The following KCNQ5 variants were observed in gnomAD, a reference collection of about 807,000 sequenced individuals.
The protein encoded by KCNQ5 is potassium voltage-gated channel subfamily KQT member 5.
Under a neutral mutation model 98.2 loss-of-function variants are expected in KCNQ5, and 30 were observed. The ratio of observed to expected loss-of-function variants is 0.31; its 90% CI spans 0.23 to 0.41. The LOEUF is 0.41. Ranked by LOEUF, KCNQ5 falls within the 10% of genes least tolerant of loss-of-function variation. The pLI, the probability that KCNQ5 is intolerant of heterozygous loss-of-function variation, is 1.00. For synonymous variants in KCNQ5, 458 were observed against 449.4 expected (o/e 1.02, Z -0.24); for missense variants, 835 against 1,182.5 (o/e 0.71, Z 4.31).
At chr6:73,009,662 G>A (rs1769976363) in intron 2 of KCNQ5, among the ~76,000 whole-genome samples, 1 of 152,002 alleles carries the variant, frequency 6.6e-6, no homozygotes. Flanking sequence ...AAGAATACTC[G>A]AATTAATAGA....
intron 1 of KCNQ5, among the ~76,000 whole-genome samples, chr6:72,779,406 G>A (rs1460593766): frequency 2.0e-5 from 3 of 152,184 alleles, no homozygotes; most frequent in Non-Finnish European, 2.9e-5. Flanking sequence ...GAGAATGTGT[G>A]TATGTCTCTC....
At chr6:73,113,112 C>T (rs1315746107) in intron 7 of KCNQ5, among the ~76,000 whole-genome samples, 4 of 152,152 alleles carry the variant, frequency 2.6e-5, no homozygotes, top group African/African-American at 7.2e-5. Flanking sequence ...TTAGGACACA[C>T]GCAAAATACC....
chr6:72,796,949 A>G (rs904813625), intron 1 of KCNQ5, among the ~76,000 whole-genome samples: 1 of 152,198 alleles, frequency 6.6e-6, no homozygotes, highest in African/African-American at 2.4e-5. Context: ...CCCTAGCTTA[A>G]ACAAGAAAAT....
chr6:72,767,150 G>A (rs749478594), intron 1 of KCNQ5, among the ~76,000 whole-genome samples: 59 of 152,098 alleles, frequency 3.9e-4, no homozygotes, highest in Non-Finnish European at 5.2e-4. Context: ...TTGTAGGAAA[G>A]GAATGAAGAG....
chr6:72,654,990 C>A (rs1210174934), intron 1 of KCNQ5, among the ~76,000 whole-genome samples: 1 of 151,952 alleles, frequency 6.6e-6, no homozygotes, highest in African/African-American at 2.4e-5. Context: ...TGCTTACCTT[C>A]TTTTTGTTTC....
chr6:72,853,110 T>G (rs1777353099), intron 1 of KCNQ5, among the ~76,000 whole-genome samples: 1 of 152,218 alleles, frequency 6.6e-6, no homozygotes, highest in African/African-American at 2.4e-5. Flanking sequence ...TAAATAATTA[T>G]GTTGATCCTT....
At chr6:73,024,912 C>T (rs980430237) in intron 2 of KCNQ5, among the ~76,000 whole-genome samples, 25 of 152,228 alleles carry the variant, frequency 1.6e-4, no homozygotes, top group African/African-American at 5.5e-4. Flanking sequence ...CTCCTCAATA[C>T]TCAAAGATTT....
intron 3 of KCNQ5, among the ~76,000 whole-genome samples, chr6:73,058,135 G>A (rs1029154052): frequency 1.4e-4 from 21 of 152,236 alleles, no homozygotes; most frequent in African/African-American, 4.3e-4. Context: ...AAAACTGGCC[G>A]GGCACGGTGG....
chr6:72,854,662 GA>G (rs969355802), intron 1 of KCNQ5, among the ~76,000 whole-genome samples: 1 of 149,276 alleles, frequency 6.7e-6, no homozygotes, highest in East Asian at 2.0e-4. Context: ...GTCAAAACAT[GA>G]AAAAATCATA....
chr6:73,052,579 T>C (rs1177025038), intron 3 of KCNQ5, among the ~76,000 whole-genome samples: 2 of 152,204 alleles, frequency 1.3e-5, no homozygotes, highest in Non-Finnish European at 2.9e-5. Context: ...ATTGAGGACC[T>C]ATATTCAGCA....
intron 1 of KCNQ5, among the ~76,000 whole-genome samples, chr6:72,970,262 A>T (rs1213105558): frequency 6.6e-6 from 1 of 152,122 alleles, no homozygotes; most frequent in East Asian, 1.9e-4. Context: ...CCATCTCTAA[A>T]AATATAATAA....
chr6:73,165,631 A>G (rs1173033229), intron 10 of KCNQ5, among the ~76,000 whole-genome samples: 2 of 152,128 alleles, frequency 1.3e-5, no homozygotes, highest in African/African-American at 2.4e-5. Context: ...GGAGATGGGA[A>G]CCCAGATACC....
In KCNQ5 at chr6:73,187,495, T is replaced by C. The variant is rs118096221; in HGVS notation, c.1578-3078T>C. On this transcript the variant is annotated intron_variant, in intron 11 of 13. Transcript: ENST00000370398. ...TAATCCAATTTTCACTATTTAATTC[T>C]CATACATAAAGTAGGAAAATCTGTA... Among the ~76,000 whole-genome samples the C allele has an allele frequency of 7.6e-3, 1,153 of 152,340 alleles. 6 individuals carry two copies. Among genetic ancestry groups the C allele is most frequent in the Middle Eastern group, 0.065 (19 of 294 alleles).
intron 9 of KCNQ5, among the ~76,000 whole-genome samples, chr6:73,126,614 A>G (rs938367155): frequency 1.3e-5 from 2 of 152,110 alleles, no homozygotes; most frequent in South Asian, 2.1e-4. Flanking sequence ...TAACTCACCC[A>G]TAGGTTTAAA....
At chr6:72,624,610 A>G (rs765668857) in intron 1 of KCNQ5, among the ~76,000 whole-genome samples, 2 of 152,234 alleles carry the variant, frequency 1.3e-5, no homozygotes, top group Non-Finnish European at 2.9e-5. Context: ...AAGGTTGGAT[A>G]CTTCTCTGTC....
chr6:72,994,261 C>T (rs1362075289), intron 1 of KCNQ5, among the ~76,000 whole-genome samples: 1 of 61,972 alleles, frequency 1.6e-5, no homozygotes, highest in Non-Finnish European at 2.9e-5. Context: ...CCCCCAGCCT[C>T]GTTGCCGCCT....
At chr6:73,048,325 G>C (rs573039534) in intron 3 of KCNQ5, among the ~76,000 whole-genome samples, 1 of 152,312 alleles carries the variant, frequency 6.6e-6, no homozygotes, top group East Asian at 1.9e-4. Flanking sequence ...TAATTGCAAG[G>C]ATTATTAACA....
intron 10 of KCNQ5, among the ~76,000 whole-genome samples, chr6:73,164,601 G>A (rs1295943766): frequency 6.6e-6 from 1 of 152,154 alleles, no homozygotes; most frequent in Non-Finnish European, 1.5e-5. Context: ...AATCATCTGG[G>A]ATGTTCGCAG....
At chr6:73,075,645 A>C (rs986861760) in intron 3 of KCNQ5, among the ~76,000 whole-genome samples, 1 of 152,208 alleles carries the variant, frequency 6.6e-6, no homozygotes, top group Non-Finnish European at 1.5e-5. Context: ...GTCAGTGTCA[A>C]CACATTTAGT....
Sources: gnomAD v4.1 joint callset for allele counts (sites outside exome capture counted in the v4.1 genomes callset) on GRCh38, gnomAD v4.1.1 for gene constraint, MANE v1.5 for transcripts, NCBI Gene and HGNC (gene_info 2026-07-23, HGNC 2026-07-21) for gene names.